PKD2L1: variants seen among roughly 807,000 people sequenced by gnomAD.
PKD2L1 encodes the protein polycystin-2-like protein 1.
Under a neutral mutation model 93.0 loss-of-function variants are expected in PKD2L1, and 77 were observed. The ratio of observed to expected loss-of-function variants is 0.83; its 90% confidence interval spans 0.69 to 1.00. The LOEUF is 1.00. Ranked by LOEUF, PKD2L1 falls within the 50% of genes least tolerant of loss-of-function variation. The pLI is 0.00. For synonymous variants in PKD2L1, 390 were observed against 388.0 expected, an observed-to-expected ratio of 1.01 and a Z score of -0.06; for missense variants, 977 against 990.9, an observed-to-expected ratio of 0.99 and a Z score of 0.19.
intron 2 of PKD2L1, among the ~76,000 whole-genome samples, chr10:100,322,837 G>A (rs1288309453): frequency 4.6e-5 from 7 of 152,108 alleles, no homozygotes; most frequent in African/African-American, 1.4e-4. Flanking sequence ...TAAAAGCCTC[G>A]GGATTCAAAT....
At chr10:100,325,635 G>T (rs1015665783) in intron 2 of PKD2L1, among the ~76,000 whole-genome samples, 1 of 152,140 alleles carries the variant, frequency 6.6e-6, no homozygotes, top group Non-Finnish European at 1.5e-5. Context: ...AAGGATTTCA[G>T]GGTCTTTATT....
chr10:100,326,275 C>T (rs865808412), intron 2 of PKD2L1, among the ~76,000 whole-genome samples: 41 of 152,146 alleles, frequency 2.7e-4, no homozygotes, highest in African/African-American at 9.7e-4. Context: ...CCCTCATGAT[C>T]GGCCCCTTCT....
chr10:100,320,602 T>C (rs1849205300), intron 2 of PKD2L1, among the ~76,000 whole-genome samples: 1 of 152,208 alleles, frequency 6.6e-6, no homozygotes, highest in South Asian at 2.1e-4. Context: ...TTTGTCCCCC[T>C]GAAAACATCT....
intron 6 of PKD2L1, 98 bp downstream of exon 6, chr10:100,296,882 G>T: frequency 1.4e-6 from 1 of 720,836 alleles, no homozygotes; most frequent in East Asian, 2.7e-5. Flanking sequence ...GTCAGAAGGA[G>T]GGCTTAGGGC....
chr10:100,297,052 G>T lies in PKD2L1; in HGVS notation c.1113C>A (p.Ile371=), dbSNP rs61730887. ...VFIFYYVVEE[I]LELHIHRLRY... ...GAAGCCGGTGAATGTGGAGCTCCAG[G>T]ATCTCTTCCACCACATAGTAGAAGA... Residue 371 remains isoleucine, a synonymous_variant, in exon 6 of 16, where the codon ATC becomes ATA. Transcript: ENST00000318222. The T allele has an allele frequency of 8.7e-3, 13,995 of 1,614,074 alleles. 134 individuals carry two copies. Among genetic ancestry groups the T allele is most frequent in the Middle Eastern group, 0.054 (327 of 6,062 alleles).
rs971792200 is a variant in PKD2L1, at chr10:100,298,594, T to C, written c.699A>G (p.Glu233=). The change falls in exon 4 of 16, where the codon GAA becomes GAG. Residue 233 remains glutamate, a synonymous_variant. Coordinates refer to ENST00000318222, the MANE Select transcript of PKD2L1 (RefSeq NM_016112.3). ...CATTGAAGGGCCCAAAGGGGAGTTG[T>C]TCTTCTTTGTCTGGAGAGTAGACAT... is the stretch of plus-strand genomic sequence containing the variant. ...CYDVYSPDKE[E]QLPFGPFNGT... 1 of 1,614,132 alleles carries C rather than the reference T, an allele frequency of 6.2e-7. No individual in the cohort carries two copies. Among genetic ancestry groups the C allele is most frequent in the Non-Finnish European group, 8.5e-7 (1 of 1,179,978 alleles).
In PKD2L1 at chr10:100,298,677, G is replaced by A. The variant is rs2305383; in HGVS notation, c.616C>T (p.Arg206Cys). 27 of 1,614,022 alleles carry A rather than the reference G, an allele frequency of 1.7e-5. No homozygotes were observed. The East Asian group carries it at 3.8e-4, about 23-fold the overall frequency. Residue 206 changes from arginine (R) to cysteine (C), a missense_variant, in exon 4 of 16, where the codon CGC becomes TGC. Coordinates refer to ENST00000318222, the MANE Select transcript of PKD2L1 (RefSeq NM_016112.3). Reference protein sequence around the residue: ...GVPRLRQLKVRNDSCVVHEDF... With the variant: ...GVPRLRQLKVCNDSCVVHEDF... ...TCATGCACCACACAGGAGTCATTGCGGACCTTTAGCTGCCGCAGCCTCGGA... is the reference window on the plus strand; with the variant it reads ...TCATGCACCACACAGGAGTCATTGCAGACCTTTAGCTGCCGCAGCCTCGGA...
chr10:100,328,547 C>A (rs1849428386), intron 2 of PKD2L1, among the ~76,000 whole-genome samples: 1 of 152,070 alleles, frequency 6.6e-6, no homozygotes, highest in Non-Finnish European at 1.5e-5. Flanking sequence ...CTACGTGAAG[C>A]CCACCAAACT....
intron 2 of PKD2L1, among the ~76,000 whole-genome samples, chr10:100,311,015 G>T (rs1159563163): frequency 6.6e-6 from 1 of 152,180 alleles, no homozygotes; most frequent in Non-Finnish European, 1.5e-5. Context: ...ACAGGCATGA[G>T]CCACCGTGCC....
intron 2 of PKD2L1, among the ~76,000 whole-genome samples, chr10:100,307,495 C>T (rs1157493462): frequency 6.6e-6 from 1 of 152,018 alleles, no homozygotes; most frequent in Admixed American, 6.6e-5. Context: ...CTTGTCTCTA[C>T]AAAATATTTT....
At chr10:100,325,610 A>G (rs1023005779) in intron 2 of PKD2L1, among the ~76,000 whole-genome samples, 2 of 152,192 alleles carry the variant, frequency 1.3e-5, no homozygotes, top group African/African-American at 4.8e-5. Flanking sequence ...TAAATGGCAC[A>G]TTTTCAGGTA....
chr10:100,291,134 G>GC (rs1434304261), intron 12 of PKD2L1, among the ~76,000 whole-genome samples, 167 bp downstream of exon 12: 4 of 152,116 alleles, frequency 2.6e-5, no homozygotes, highest in Non-Finnish European at 2.9e-5. Flanking sequence ...ATTTTTAAAG[G>GC]CCCCCCAGGG....
chr10:100,306,682 G>A (rs989609326), intron 2 of PKD2L1, among the ~76,000 whole-genome samples: 1 of 151,634 alleles, frequency 6.6e-6, no homozygotes, highest in East Asian at 1.9e-4. Context: ...GCAACATGGC[G>A]AAACTCTTTC....
chr10:100,290,353 A>T (rs758428382), intron 13 of PKD2L1, 48 bp downstream of exon 13: 2 of 1,359,916 alleles, frequency 1.5e-6, no homozygotes, highest in Admixed American at 3.4e-5. Flanking sequence ...AGGGTATCGT[A>T]ATAGAAGTGT....
In PKD2L1 at chr10:100,329,912, G is replaced by A. The variant is rs776013281; in HGVS notation, c.192C>T (p.Thr64=). The part of the protein sequence containing the change: ...EDEPQETAYR[T]QVSSCCLHIC... ...TATGGAGGCAGCAGCTGGACACCTG[G>A]GTCCTGTATGCCGTCTCCTGGGGTT... Residue 64 remains threonine, a synonymous_variant, in exon 1 of 16, where the codon ACC becomes ACT. Coordinates refer to ENST00000318222, the MANE Select transcript of PKD2L1 (RefSeq NM_016112.3). 1.2e-6 allele frequency: 2 copies of A among 1,613,810 alleles called. No homozygotes were observed. Among genetic ancestry groups the A allele is most frequent in the East Asian group, 2.2e-5 (1 of 44,878 alleles).
chr10:100,310,154 T>C lies in PKD2L1; in HGVS notation c.350-10436A>G, dbSNP rs557225492. The stretch of plus-strand genomic sequence containing the variant: ...TTCAAGACCACCCTGGGCAACAGGG[T>C]GAGACCCCATTTCTACAAAAAGAGA... On this transcript the variant is annotated intron_variant, in intron 2 of 15. Transcript: ENST00000318222. Among the ~76,000 whole-genome samples, 130 of 152,142 alleles carry C rather than the reference T, an allele frequency of 8.5e-4. 1 individual carries two copies. Among genetic ancestry groups the C allele is most frequent in the Non-Finnish European group, 1.5e-3 (100 of 68,002 alleles).
At chr10:100,295,969 G>A (rs1407739041) in intron 7 of PKD2L1, among the ~76,000 whole-genome samples, 153 bp downstream of exon 7, 1 of 151,162 alleles carries the variant, frequency 6.6e-6, no homozygotes, top group Non-Finnish European at 1.5e-5. Flanking sequence ...TCAGGAGGTG[G>A]AGGTTGCAGT....
At chr10:100,302,004 T>G (rs934513036) in intron 2 of PKD2L1, among the ~76,000 whole-genome samples, 4 of 152,018 alleles carry the variant, frequency 2.6e-5, no homozygotes, top group African/African-American at 9.7e-5. Flanking sequence ...CTCAGCAAAT[T>G]TTGTATTTTT....
At chr10:100,310,095 A>G (rs1848899293) in intron 2 of PKD2L1, among the ~76,000 whole-genome samples, 1 of 152,182 alleles carries the variant, frequency 6.6e-6, no homozygotes, top group African/African-American at 2.4e-5. Context: ...GAAATTTGGG[A>G]GGCCAAGGCG....
Sources: allele counts gnomAD v4.1 joint callset (sites outside exome capture counted in the v4.1 genomes callset), GRCh38; gene constraint gnomAD v4.1.1; transcripts MANE v1.5; gene names NCBI Gene and HGNC (gene_info 2026-07-23, HGNC 2026-07-21).